FBH1: variants seen among roughly 807,000 people sequenced by gnomAD.
FBH1 encodes DNA 3'-5' helicase 1.
Under a neutral mutation model 115.5 loss-of-function variants are expected in FBH1, and 43 were observed. The ratio of observed to expected loss-of-function variants is 0.37; its 90% CI spans 0.29 to 0.48. The LOEUF (loss-of-function observed/expected upper bound fraction) is 0.48. FBH1 is among the 20% of genes least tolerant of loss of function. The probability of loss-of-function intolerance (pLI) is 0.99; values close to 1 mark genes in which losing one functional copy is unlikely to be tolerated. For missense variants in FBH1, 1,001 were observed against 1,337.3 expected, an observed-to-expected ratio of 0.75 and a Z score of 3.92; for synonymous variants, 524 against 507.8, an observed-to-expected ratio of 1.03 and a Z score of -0.43.
intron 1 of FBH1, 77 bp from the exon 2 acceptor site, chr10:5,902,941 GTA>G (rs1843442262): frequency 1.4e-6 from 2 of 1,385,512 alleles, no homozygotes; most frequent in Non-Finnish European, 1.9e-6. Flanking sequence ...AGAAACTTGA[GTA>G]TAATGTGCTG....
chr10:5,907,462 G>T (rs1250697384), intron 3 of FBH1, among the ~76,000 whole-genome samples: 11 of 75,332 alleles, frequency 1.5e-4, no homozygotes, highest in African/African-American at 3.8e-4. Context: ...TGTGTTTTTT[G>T]TTGTTGTTGG....
intron 18 of FBH1, among the ~76,000 whole-genome samples, chr10:5,926,107 A>ATTCTTC (rs1832633949): frequency 1.6e-5 from 2 of 124,736 alleles, no homozygotes; most frequent in South Asian, 5.7e-4. Context: ...TATTATTCTT[A>ATTCTTC]TTCTTATTCT....
chr10:5,891,444 G>A (rs756367662), intron 1 of FBH1, among the ~76,000 whole-genome samples: 6 of 152,124 alleles, frequency 3.9e-5, no homozygotes, highest in Non-Finnish European at 5.9e-5. Flanking sequence ...TTCTGCTGCC[G>A]TTGAAGTTAG....
Position 5,895,145 on chromosome 10 carries a change from A to G in FBH1, c.1+4799A>G. 6.2e-7 allele frequency: 1 copy of G among 1,614,010 alleles called. No individual in the cohort carries two copies. The highest frequency in any genetic ancestry group is 8.5e-7 in the Non-Finnish European group (1 of 1,179,928). Reference sequence around the variant, plus strand: ...GGGCCATCTCCACAGGAGATGCCAGAGGACGAGTGCCCACTTGCTGGTCTT... The same window carrying G: ...GGGCCATCTCCACAGGAGATGCCAGGGGACGAGTGCCCACTTGCTGGTCTT... On this transcript the variant is annotated intron_variant, in intron 1 of 20. Coordinates refer to ENST00000362091, the MANE Select transcript of FBH1 (RefSeq NM_178150.3). This position sits in a 1 kb window ranked among gnomAD's most constrained non-coding sequence, Gnocchi z 5.0.
chr10:5,904,738 G>A (rs1286406874), intron 2 of FBH1, among the ~76,000 whole-genome samples: 5 of 152,054 alleles, frequency 3.3e-5, no homozygotes, highest in Non-Finnish European at 7.4e-5. Flanking sequence ...GAAAATGCTA[G>A]GATTTAACCC....
chr10:5,905,964 T>A (rs1195603991), intron 2 of FBH1, 73 bp from the exon 3 acceptor site: 1 of 1,078,436 alleles, frequency 9.3e-7, no homozygotes, highest in East Asian at 2.4e-5. Flanking sequence ...AATTAGTGTG[T>A]CTTATATGGA....
intron 2 of FBH1, chr10:5,905,149 A>G (rs919222181): frequency 2.0e-5 from 3 of 152,254 alleles, no homozygotes; most frequent in African/African-American, 7.2e-5. Flanking sequence ...GTACCACTCT[A>G]ACACTATAAA....
Position 5,906,533 on chromosome 10 carries a change from G to A in FBH1, c.654G>A (p.Glu218=), listed in dbSNP as rs766023363. 6.2e-7 allele frequency: 1 copy of A among 1,614,136 alleles called. No individual in the cohort carries two copies. The highest frequency in any genetic ancestry group is 8.5e-7 in the Non-Finnish European group (1 of 1,180,016). The change falls in exon 3 of 21, where the codon GAG becomes GAA. Residue 218 remains glutamate, a synonymous_variant. Transcript: ENST00000362091. This position sits in a 1 kb window ranked among gnomAD's most constrained non-coding sequence, Gnocchi z 7.3. The part of the protein sequence containing the change: ...ALSHICSLPS[E]VLRHVFAFLP... ...GCCACATTTGCAGCCTGCCTAGTGA[G>A]GTCCTGAGGCACGTGTTTGCCTTCC...
rs531177046 is a variant in FBH1 at position 5,933,627 on chromosome 10, T to C, written c.2830-2829T>C. 6.4e-4 allele frequency among the ~76,000 whole-genome samples: 96 copies of C among 150,324 alleles called. No individual in the cohort carries two copies. Among genetic ancestry groups the C allele is most frequent in the Non-Finnish European group, 1.2e-3 (82 of 67,794 alleles). Reference sequence around the variant, plus strand: ...TAAGGCTGTAAGACCTTGTTAGAAGTGGAGGCACTCTGCTGTTTTTTTTTT... The same window carrying C: ...TAAGGCTGTAAGACCTTGTTAGAAGCGGAGGCACTCTGCTGTTTTTTTTTT... On this transcript the variant is annotated intron_variant, in intron 19 of 20. Transcript: ENST00000362091. This position sits in a 1 kb window ranked among gnomAD's most constrained non-coding sequence, Gnocchi z 4.9.
chr10:5,916,918 G>C (rs569741343), intron 10 of FBH1: 25 of 191,438 alleles, frequency 1.3e-4, no homozygotes, highest in Non-Finnish European at 1.7e-4. Context: ...CCATTTAACA[G>C]AGAAGGCAGA....
chr10:5,912,361 TA>T (rs34703842), intron 6 of FBH1, among the ~76,000 whole-genome samples: 4,203 of 138,304 alleles, frequency 0.03, 130 homozygotes, highest in African/African-American at 0.091. Flanking sequence ...AGGCTCTGTC[TA>T]AAAAAAAAAA....
rs939104133 is a variant in FBH1 at position 5,925,865 on chromosome 10, A to G, written c.2722+373A>G. Among the ~76,000 whole-genome samples the G allele has an allele frequency of 1.5e-4, 23 of 152,290 alleles. No homozygotes were observed. Among genetic ancestry groups the G allele is most frequent in the Non-Finnish European group, 2.6e-4 (18 of 68,034 alleles). ...ACCATGGCATTTTTTTCCTTTCATT[A>G]ATTCCTCTTCATTTTATTAAAGAGA... On this transcript the variant is annotated intron_variant, in intron 18 of 20. Coordinates refer to ENST00000362091, the MANE Select transcript of FBH1 (RefSeq NM_178150.3). This position sits in a 1 kb window ranked among gnomAD's most constrained non-coding sequence, Gnocchi z 4.6.
In FBH1 at chr10:5,933,466, GT is replaced by G. The variant is rs575066154; in HGVS notation, c.2830-2986del. Among the ~76,000 whole-genome samples the G allele has an allele frequency of 3.9e-5, 6 of 152,284 alleles. No individual in the cohort carries two copies. In the East Asian group the frequency reaches 1.2e-3, roughly 29 times the overall value. ...GTCAGTTGGTTGCTGCATGCATTTTGTTTTCCCCATAGAAGAAAAGAATACA... is the reference window on the plus strand; with the variant it reads ...GTCAGTTGGTTGCTGCATGCATTTTGTTTCCCCATAGAAGAAAAGAATACA... On this transcript the variant is annotated intron_variant, in intron 19 of 20. Transcript: ENST00000362091. The surrounding 1 kb of genome is among the most constrained non-coding windows in gnomAD (Gnocchi z 4.9).
At chr10:5,899,081 A>G (rs1182605720) in intron 1 of FBH1, among the ~76,000 whole-genome samples, 3 of 152,200 alleles carry the variant, frequency 2.0e-5, no homozygotes, top group Admixed American at 1.3e-4. Flanking sequence ...CTCTGTTTGT[A>G]GCTGTTTCCA....
Position 5,908,976 on chromosome 10 carries a change from G to A in FBH1, c.805G>A (p.Ala269Thr). Reference protein sequence around the residue: ...YHRYLMNEEQAVSKVDGILSN... With the variant: ...YHRYLMNEEQTVSKVDGILSN... ...TCGATACCTGATGAATGAAGAGCAA[G>A]CTGTCAGCAAAGTGGACGGCATCCT... The change falls in exon 4 of 21, where the codon GCT becomes ACT. Residue 269 changes from alanine to threonine, a missense_variant. This residue lies in a region of FBH1 where 420 missense variants were observed against 430.4 expected (regional missense o/e 0.98). Coordinates refer to ENST00000362091, the MANE Select transcript of FBH1 (RefSeq NM_178150.3). The A allele has an allele frequency of 1.2e-6, 2 of 1,614,196 alleles. No homozygotes were observed. The highest frequency in any genetic ancestry group is 8.5e-7 in the Non-Finnish European group (1 of 1,180,040).
chr10:5,913,894 A>G lies in FBH1; in HGVS notation c.1304+55A>G. The G allele has an allele frequency of 3.8e-6, 5 of 1,318,898 alleles. No individual in the cohort carries two copies. In the South Asian group the frequency reaches 6.3e-5, roughly 17 times the overall value. The allele number at this position is 1,318,898 out of a possible 1,614,324, so 81.7% of individuals were successfully genotyped here. ...TTGTCTTCTGTCGACTCTTCCTCATACTTAAGGAGGGAGATGTTTTGCTTC... is the reference window on the plus strand; with the variant it reads ...TTGTCTTCTGTCGACTCTTCCTCATGCTTAAGGAGGGAGATGTTTTGCTTC... On this transcript the variant is annotated intron_variant, in intron 7 of 20. Coordinates refer to ENST00000362091, the MANE Select transcript of FBH1 (RefSeq NM_178150.3). This position sits in a 1 kb window ranked among gnomAD's most constrained non-coding sequence, Gnocchi z 4.4.
Position 5,933,078 on chromosome 10 carries a change from C to G in FBH1, c.2830-3378C>G, listed in dbSNP as rs1370510148. On this transcript the variant is annotated intron_variant, in intron 19 of 20. Coordinates refer to ENST00000362091, the MANE Select transcript of FBH1 (RefSeq NM_178150.3). This position sits in a 1 kb window ranked among gnomAD's most constrained non-coding sequence, Gnocchi z 4.9. ...GGAGATTGTTATCACTTTAGAGTCCCACCAGTTGTATGCATAAGAGTGAAA... is the reference window on the plus strand; with the variant it reads ...GGAGATTGTTATCACTTTAGAGTCCGACCAGTTGTATGCATAAGAGTGAAA... 6.6e-6 allele frequency among the ~76,000 whole-genome samples: 1 copy of G among 152,080 alleles called. No individual in the cohort carries two copies.
intron 1 of FBH1, chr10:5,891,043 G>C: frequency 2.1e-6 from 1 of 472,630 alleles, no homozygotes; most frequent in Non-Finnish European, 2.8e-6. Context: ...ACAACCCTAT[G>C]AGGCATCAGT....
At chr10:5,892,174 T>C (rs1842771377) in intron 1 of FBH1, among the ~76,000 whole-genome samples, 1 of 151,556 alleles carries the variant, frequency 6.6e-6, no homozygotes, top group Non-Finnish European at 1.5e-5. Context: ...TGCTCATTTC[T>C]TTCGTGCAGA....
Sources: gnomAD v4.1 joint callset for allele counts (sites outside exome capture counted in the v4.1 genomes callset) on GRCh38, gnomAD v4.1.1 for gene constraint, gnomAD v4.1.1 regional missense constraint, Gnocchi (gnomAD v3.1) non-coding constraint, MANE v1.5 for transcripts, NCBI Gene and HGNC (gene_info 2026-07-23, HGNC 2026-07-21) for gene names.